Variants in ZC3H12B observed in about 807,000 individuals in gnomAD.
ZC3H12B encodes zinc finger CCCH-type containing 12B.
A neutral mutation model predicts 43.9 loss-of-function variants in ZC3H12B; 7 were observed. That is an observed-to-expected ratio of 0.16 (90% confidence interval 0.09 to 0.30). The LOEUF (loss-of-function observed/expected upper bound fraction) is 0.30. ZC3H12B is among the 10% of genes least tolerant of loss of function. ZC3H12B has a pLI of 1.00. For missense variants in ZC3H12B, 475 were observed against 670.2 expected, an observed-to-expected ratio of 0.71 and a Z score of 3.22; for synonymous variants, 222 against 241.7, an observed-to-expected ratio of 0.92 and a Z score of 0.76.
the ZC3H12B span, among the ~76,000 whole-genome samples, chrX:65,211,687 A>G: frequency 1.1e-5 from 1 of 88,283 alleles, no homozygotes; most frequent in Non-Finnish European, 2.1e-5. Context: ...AATTATATAT[A>G]TAATATTATA....
At chrX:65,339,897 G>T in the ZC3H12B span, among the ~76,000 whole-genome samples, 23 of 111,705 alleles carry the variant, frequency 2.1e-4, 1 homozygote, top group Non-Finnish European at 4.0e-4. Flanking sequence ...ATGGTGGGGG[G>T]CTGGGTTTTG....
chrX:65,126,899 T>G, the ZC3H12B span, among the ~76,000 whole-genome samples: 1 of 109,732 alleles, frequency 9.1e-6, no homozygotes, highest in Admixed American at 9.9e-5. Context: ...AGAATTTTCC[T>G]TTTATATTTT....
At chrX:65,433,625 T>A (rs2067188336) in intron 3 of ZC3H12B, among the ~76,000 whole-genome samples, 2 of 111,871 alleles carry the variant, frequency 1.8e-5, no homozygotes. Context: ...ACAATTTTAG[T>A]CTCCTAGAAT....
the ZC3H12B span, among the ~76,000 whole-genome samples, chrX:65,113,985 G>GTATATATATATATATA: frequency 6.8e-3 from 323 of 47,365 alleles, 19 homozygotes; most frequent in South Asian, 0.017. Flanking sequence ...AGATATGCTT[G>GTATATATATATATATA]TATATATATA....
At chrX:65,357,225 G>C in the ZC3H12B span, 1 of 384,616 alleles carries the variant, frequency 2.6e-6, no homozygotes, top group Non-Finnish European at 4.8e-6. Context: ...GATTTCATGA[G>C]AATATCCAGG....
At chrX:65,165,615 T>G in the ZC3H12B span, among the ~76,000 whole-genome samples, 2 of 112,497 alleles carry the variant, frequency 1.8e-5, no homozygotes, top group African/African-American at 3.2e-5. Context: ...TCCCTACAAA[T>G]GACATGAACT....
At chrX:65,267,811 A>T in the ZC3H12B span, among the ~76,000 whole-genome samples, 14 of 111,905 alleles carry the variant, frequency 1.3e-4, no homozygotes, top group Middle Eastern at 4.7e-3. Context: ...ATAAATGCCT[A>T]ATTTTTTAAA....
chrX:65,457,090 C>G (rs1160696198), intron 3 of ZC3H12B, among the ~76,000 whole-genome samples: 2 of 89,762 alleles, frequency 2.2e-5, no homozygotes, highest in South Asian at 6.5e-4. Flanking sequence ...ACCTCTGCCC[C>G]GCCGCCCTGT....
At chrX:65,093,723 G>T in the ZC3H12B span, among the ~76,000 whole-genome samples, 2 of 111,999 alleles carry the variant, frequency 1.8e-5, no homozygotes, top group African/African-American at 6.5e-5. Flanking sequence ...TAGTATCTTT[G>T]AAATAACTAA....
chrX:65,353,152 G>T, the ZC3H12B span, among the ~76,000 whole-genome samples: 26 of 111,595 alleles, frequency 2.3e-4, no homozygotes, highest in Non-Finnish European at 3.0e-4. Context: ...TCCACTGTGT[G>T]TGGGCGATAA....
chrX:65,250,349 G>A, the ZC3H12B span, among the ~76,000 whole-genome samples: 157 of 111,868 alleles, frequency 1.4e-3, 1 homozygote, highest in African/African-American at 5.0e-3. Flanking sequence ...ATGGATATTT[G>A]GGTTGGTTCC....
At chrX:65,054,796 C>T in the ZC3H12B span, among the ~76,000 whole-genome samples, 12 of 111,191 alleles carry the variant, frequency 1.1e-4, no homozygotes, top group Admixed American at 2.9e-4. Context: ...TTGAAGAAGT[C>T]CTTCACATCC....
Position 65,450,389 on chromosome X carries a change from GTA to G in ZC3H12B, n.408-38249_408-38248del, listed in dbSNP as rs773418937. Among the ~76,000 whole-genome samples, 299 of 70,049 alleles carry G rather than the reference GTA, an allele frequency of 4.3e-3. 4 individuals carry two copies. Among genetic ancestry groups the G allele is most frequent in the African/African-American group, 0.015 (267 of 17,519 alleles). The allele number at this position is 70,049 out of a possible 115,157, so 60.8% of individuals were successfully genotyped here. ...TATATACATATATATATTTATATGT[GTA>G]TATATATGTATATATATGTGTGTAT... is the stretch of plus-strand genomic sequence containing the variant. On this transcript the variant is annotated intron_variant and non_coding_transcript_variant, in intron 3 of 5. Transcript: ENST00000617377.
exon 5 of ZC3H12B, chrX:65,502,868 C>A (rs753390684): frequency 8.3e-7 from 1 of 1,211,479 alleles, no homozygotes; most frequent in Non-Finnish European, 1.1e-6. Context: ...TCCCCTGTGC[C>A]GGGAACAGCA....
the ZC3H12B span, among the ~76,000 whole-genome samples, chrX:65,294,477 C>A: frequency 3.6e-5 from 4 of 111,146 alleles, no homozygotes; most frequent in South Asian, 1.5e-3. Flanking sequence ...CAGGCAACAA[C>A]TAAAACAATG....
chrX:65,407,766 CG>C (rs1471498237), intron 3 of ZC3H12B, among the ~76,000 whole-genome samples: 1 of 113,502 alleles, frequency 8.8e-6, no homozygotes, highest in East Asian at 2.8e-4. Flanking sequence ...CGACTGAGGC[CG>C]GGGGGTTGGA....
the ZC3H12B span, among the ~76,000 whole-genome samples, chrX:65,281,523 G>A: frequency 1.8e-5 from 2 of 112,130 alleles, no homozygotes; most frequent in African/African-American, 6.5e-5. Flanking sequence ...ACTGCACCTG[G>A]CTGTATAGGC....
At chrX:65,422,925 CTTTTTTTTTT>C (rs34567013) in intron 3 of ZC3H12B, among the ~76,000 whole-genome samples, 1 of 46,177 alleles carries the variant, frequency 2.2e-5, no homozygotes, top group Non-Finnish European at 3.6e-5. Flanking sequence ...TCTTTCTTTG[CTTTTTTTTTT>C]TTTTTTTTTT....
the ZC3H12B span, among the ~76,000 whole-genome samples, chrX:65,188,336 TG>T: frequency 9.2e-6 from 1 of 108,848 alleles, no homozygotes; most frequent in Non-Finnish European, 1.9e-5. Flanking sequence ...GCAGTGACAT[TG>T]CTGGATCATG....
Sources: allele counts gnomAD v4.1 joint callset (sites outside exome capture counted in the v4.1 genomes callset), GRCh38; gene constraint gnomAD v4.1.1; transcripts MANE v1.5; gene names NCBI Gene and HGNC (gene_info 2026-07-23, HGNC 2026-07-21).